The following WDFY4 variants were observed in gnomAD, a reference collection of about 807,000 sequenced individuals.
The protein encoded by WDFY4 is WDFY family member 4, also known as WD repeat- and FYVE domain-containing protein 4.
In WDFY4, 169 loss-of-function variants were observed where a neutral mutation model predicts 351.9. The observed-to-expected ratio is 0.48, with a 90% confidence interval of 0.42 to 0.55. The LOEUF (loss-of-function observed/expected upper bound fraction) is 0.55, where lower values mean the gene tolerates loss of function less well. Among genes scored for constraint, WDFY4 ranks in the 20% least tolerant of loss-of-function variants. The pLI is 0.00. For missense variants in WDFY4, 3,803 were observed against 3,935.6 expected, an observed-to-expected ratio of 0.97 and a Z score of 0.90; for synonymous variants, 1,622 against 1,574.6, an observed-to-expected ratio of 1.03 and a Z score of -0.71.
intron 1 of WDFY4, among the ~76,000 whole-genome samples, chr10:48,705,639 G>C (rs536428456): frequency 2.0e-5 from 3 of 152,348 alleles, no homozygotes; most frequent in African/African-American, 7.2e-5. Context: ...ATTTGAGTCA[G>C]ATGCTGCTGC....
chr10:48,695,754 G>C (rs1427403170), intron 1 of WDFY4, among the ~76,000 whole-genome samples: 1 of 152,002 alleles, frequency 6.6e-6, no homozygotes, highest in Non-Finnish European at 1.5e-5. Context: ...CTCCAACTCA[G>C]GTCTTTGTCC....
chr10:48,786,758 G>A lies in WDFY4; in HGVS notation c.3696G>A (p.Trp1232Ter). ...RVWKQKSSLI[W>*]RLGPTYLFEE... ...GGAAACAAAAGTCTTCATTAATCTG[G>A]CGTCTTGGCCCCACATACCTCTTTG... The change falls in exon 20 of 62, where the codon TGG (tryptophan) becomes TGA (stop). Residue 1232 changes from tryptophan to a stop codon, truncating the protein, a stop_gained. Transcript: ENST00000325239. LOFTEE classifies it high-confidence loss of function. 6.4e-7 allele frequency: 1 copy of A among 1,552,336 alleles called. No individual in the cohort carries two copies. Among genetic ancestry groups the A allele is most frequent in the South Asian group, 1.2e-5 (1 of 84,064 alleles).
chr10:48,876,894 G>T, intron 42 of WDFY4, 139 bp from the exon 43 acceptor site: 2 of 813,254 alleles, frequency 2.5e-6, no homozygotes, highest in African/African-American at 1.8e-5. Flanking sequence ...CAGTGGAGGG[G>T]CACAGTGAGA....
At chr10:48,858,723 C>T (rs570353077) in intron 39 of WDFY4, among the ~76,000 whole-genome samples, 16 of 152,196 alleles carry the variant, frequency 1.1e-4, no homozygotes, top group Admixed American at 8.5e-4. Context: ...TTTGGAAACT[C>T]GTCTGTATCT....
In WDFY4 at chr10:48,786,781, T is replaced by G; in HGVS notation, c.3719T>G (p.Phe1240Cys). Residue 1240 changes from phenylalanine (F) to cysteine (C), a missense_variant, in exon 20 of 62, where the codon TTT (phenylalanine) becomes TGT (cysteine). By Grantham distance (205) the Phe-to-Cys change is radical. Around this residue, in one of 3 missense-constraint regions of WDFY4, gnomAD observed 3,054 missense variants for 3,148.6 expected, o/e 0.97. Transcript: ENST00000325239. ...LIWRLGPTYL[F>C]EEAISMETLE... ...TGGCGTCTTGGCCCCACATACCTCT[T>G]TGAAGAAGCCATTTCAATGGAAACT... 6.4e-7 allele frequency: 1 copy of G among 1,552,366 alleles called. No individual in the cohort carries two copies.
At chr10:48,963,760 A>G (rs1021721243) in intron 53 of WDFY4, 82 bp from the exon 54 acceptor site, 3 of 1,376,686 alleles carry the variant, frequency 2.2e-6, no homozygotes, top group African/African-American at 2.9e-5. Context: ...ACTCTGAAGC[A>G]TGTGCCCCTT....
intron 39 of WDFY4, among the ~76,000 whole-genome samples, chr10:48,835,844 A>G (rs2002588): frequency 0.44 from 66,788 of 152,100 alleles, 15,537 homozygotes; most frequent in East Asian, 0.83. Flanking sequence ...TATTTTGGAA[A>G]CAAGGACTAT....
At chr10:48,727,021 C>T (rs1376539377) in intron 6 of WDFY4, among the ~76,000 whole-genome samples, 1 of 152,228 alleles carries the variant, frequency 6.6e-6, no homozygotes, top group Non-Finnish European at 1.5e-5. Flanking sequence ...GTGTTCCAAT[C>T]CCCTGGCTTC....
chr10:48,777,301 G>C (rs1480870761), intron 16 of WDFY4, 118 bp from the exon 17 acceptor site: 2 of 992,546 alleles, frequency 2.0e-6, no homozygotes, highest in African/African-American at 1.6e-5. Context: ...TATGGTCTAA[G>C]GAGGGTTACA....
Position 48,828,799 on chromosome 10 carries a change from G to C in WDFY4, c.6243G>C (p.Leu2081Phe). 6.5e-7 allele frequency: 1 copy of C among 1,548,384 alleles called. No individual in the cohort carries two copies. Among genetic ancestry groups the C allele is most frequent in the Non-Finnish European group, 8.7e-7 (1 of 1,145,686 alleles). ...CTAGTTACCCAGAAGGATTTGGATT[G>C]GAGCCCAAGCCTAGAATGTCTACTT... is the stretch of plus-strand genomic sequence containing the variant. Reference protein sequence around the residue: ...NERSYPEGFGLEPKPRMSTYH... With the variant: ...NERSYPEGFGFEPKPRMSTYH... The change falls in exon 37 of 62, where the codon TTG becomes TTC. Residue 2081 changes from leucine (L) to phenylalanine (F), a missense_variant. This residue lies in a region of WDFY4 where 3,054 missense variants were observed against 3,148.6 expected (regional missense o/e 0.97). Coordinates refer to ENST00000325239, the MANE Select transcript of WDFY4 (RefSeq NM_001394531.1).
intron 43 of WDFY4, among the ~76,000 whole-genome samples, chr10:48,884,930 C>A (rs1040101032): frequency 3.3e-5 from 5 of 152,154 alleles, no homozygotes; most frequent in African/African-American, 1.2e-4. Context: ...TTGTAAACAT[C>A]TTAAAGGCAT....
chr10:48,818,343 A>G (rs963448722), intron 32 of WDFY4, among the ~76,000 whole-genome samples: 2 of 152,246 alleles, frequency 1.3e-5, no homozygotes, highest in Admixed American at 6.5e-5. Flanking sequence ...TAAGTGCCCA[A>G]ATGAATGAGC....
chr10:48,980,077 T>C (rs1454106034), intron 60 of WDFY4: 2 of 152,176 alleles, frequency 1.3e-5, no homozygotes, highest in African/African-American at 4.8e-5. Context: ...ACAACCTTCC[T>C]CTCTGTCTGC....
chr10:48,981,736 A>G (rs561604925), intron 61 of WDFY4, among the ~76,000 whole-genome samples: 1 of 152,348 alleles, frequency 6.6e-6, no homozygotes, highest in South Asian at 2.1e-4. Flanking sequence ...CCAAACATTC[A>G]TTAAGAAATC....
At chr10:48,982,187 C>T (rs978881489) in intron 61 of WDFY4, among the ~76,000 whole-genome samples, 1 of 152,212 alleles carries the variant, frequency 6.6e-6, no homozygotes, top group Non-Finnish European at 1.5e-5. Context: ...TTGTTCTGCC[C>T]TGGTCCTGGC....
At chr10:48,813,903 G>T in intron 30 of WDFY4, 54 bp from the exon 31 acceptor site, 1 of 1,435,128 alleles carries the variant, frequency 7.0e-7, no homozygotes, top group South Asian at 1.4e-5. Flanking sequence ...TGCAAAGCTC[G>T]TTCTCTTGGT....
At position 48,828,193 on chromosome 10, in the gene WDFY4, G is replaced by A. The variant is rs561140595; in HGVS notation, c.6222-585G>A. On this transcript the variant is annotated intron_variant, in intron 36 of 61. Transcript: ENST00000325239. ...ACAATGGGGACCCCCAGAGCACATGGTTCATGGGAAACCTAATGTATAAAC... is the reference window on the plus strand; with the variant it reads ...ACAATGGGGACCCCCAGAGCACATGATTCATGGGAAACCTAATGTATAAAC... Among the ~76,000 whole-genome samples, 4 of 152,294 alleles carry A rather than the reference G, an allele frequency of 2.6e-5. No homozygotes were observed. In the South Asian group the frequency reaches 8.3e-4, roughly 32 times the overall value.
At chr10:48,696,020 G>C in intron 1 of WDFY4, among the ~76,000 whole-genome samples, 1 of 152,196 alleles carries the variant, frequency 6.6e-6, no homozygotes, top group Non-Finnish European at 1.5e-5. Context: ...GACCTGCCTA[G>C]TTCCTTCCAA....
At chr10:48,803,507 T>A in intron 25 of WDFY4, 148 bp downstream of exon 25, 1 of 782,070 alleles carries the variant, frequency 1.3e-6, no homozygotes. Context: ...CTCATGCTTG[T>A]GGGGCAGTCT....
Sources: allele counts gnomAD v4.1 joint callset (sites outside exome capture counted in the v4.1 genomes callset), GRCh38; gene constraint gnomAD v4.1.1; regional missense constraint gnomAD v4.1.1; transcripts MANE v1.5; gene names NCBI Gene and HGNC (gene_info 2026-07-23, HGNC 2026-07-21).